The following AQP1 variants were observed in gnomAD, a reference collection of about 807,000 sequenced individuals.
The protein encoded by AQP1 is aquaporin-1.
AQP1 carries 11 observed loss-of-function variants against 19.7 expected under a neutral mutation model. The observed-to-expected ratio is 0.56, with a 90% confidence interval of 0.35 to 0.92. The LOEUF (loss-of-function observed/expected upper bound fraction) is 0.92, where lower values mean the gene tolerates loss of function less well. Among genes scored for constraint, AQP1 ranks in the 40% least tolerant of loss-of-function variants. The pLI is 0.01. For synonymous variants in AQP1, 159 were observed against 166.7 expected (o/e 0.95, Z 0.36); for missense variants, 320 against 369.7 (o/e 0.87, Z 1.10).
rs1049848415 is a variant in AQP1 at position 30,923,329 on chromosome 7, C to T, written c.631-121C>T. 3.2e-6 allele frequency: 5 copies of T among 1,548,478 alleles called. No homozygotes were observed. The highest frequency in any genetic ancestry group is 3.8e-5 in the Admixed American group (2 of 52,924). On this transcript the variant is annotated intron_variant, in intron 3 of 3. Coordinates refer to ENST00000311813, the MANE Select transcript of AQP1 (RefSeq NM_198098.4). This position sits in a 1 kb window ranked among gnomAD's most constrained non-coding sequence, Gnocchi z 4.8. ...TGATGTTAGGATTTGGCTCTCCTAC[C>T]TGCCTCCATCCCAGGTGGGAAAAAC...
Position 30,923,816 on chromosome 7 carries a change from C to A in AQP1, c.*187C>A. ...TATCTCTTTCTTTCTCTTTCTGTTTCCTGGCCTCAGAGCTTCCTGGGGACC... is the reference window on the plus strand; with the variant it reads ...TATCTCTTTCTTTCTCTTTCTGTTTACTGGCCTCAGAGCTTCCTGGGGACC... On this transcript the variant is annotated 3_prime_UTR_variant, in exon 4 of 4. Transcript: ENST00000311813. This position sits in a 1 kb window ranked among gnomAD's most constrained non-coding sequence, Gnocchi z 4.8. 1 of 1,523,050 alleles carries A rather than the reference C, an allele frequency of 6.6e-7. No homozygotes were observed. Among genetic ancestry groups the A allele is most frequent in the Admixed American group, 1.9e-5 (1 of 51,832 alleles). The allele number at this position is 1,523,050 out of a possible 1,614,324, so 94.3% of individuals were successfully genotyped here.
In AQP1 at chr7:30,925,395, C is replaced by T. The variant is rs1046175878; in HGVS notation, c.*1766C>T. 3.3e-5 allele frequency: 5 copies of T among 152,286 alleles called. No homozygotes were observed. The highest frequency in any genetic ancestry group is 1.2e-4 in the African/African-American group (5 of 41,456). The allele number at this position is 152,286 out of a possible 1,614,324, so 9.4% of individuals were successfully genotyped here. On this transcript the variant is annotated 3_prime_UTR_variant, in exon 4 of 4. Transcript: ENST00000311813. ...GAGGGGAGAGGGGTCACACCCACCCCCTGCCTGGTTCTAGGCTGCTGCACA... is the reference window on the plus strand; with the variant it reads ...GAGGGGAGAGGGGTCACACCCACCCTCTGCCTGGTTCTAGGCTGCTGCACA...
intron 1 of AQP1, among the ~76,000 whole-genome samples, chr7:30,917,151 C>T (rs1013327570): frequency 6.6e-6 from 1 of 152,222 alleles, no homozygotes; most frequent in Non-Finnish European, 1.5e-5. Context: ...GTCAAGGTGG[C>T]ACTGCCTCCT....
In AQP1 at chr7:30,922,649, G is replaced by T; in HGVS notation, c.630+5G>T. The T allele has an allele frequency of 1.9e-6, 3 of 1,613,560 alleles. No individual in the cohort carries two copies. The highest frequency in any genetic ancestry group is 2.5e-6 in the Non-Finnish European group (3 of 1,179,488). ...CACAACTTCAGCAACCACTGGGTAG[G>T]AGACCCACGGGGGGTGGGGTGGGAA... is the stretch of plus-strand genomic sequence containing the variant. On this transcript the variant is annotated splice_donor_5th_base_variant and intron_variant, in intron 3 of 3. Coordinates refer to ENST00000311813, the MANE Select transcript of AQP1 (RefSeq NM_198098.4).
At position 30,912,294 on chromosome 7, in the gene AQP1, G is replaced by A. The variant is rs1425443344; in HGVS notation, c.384+1G>A. ...TGGGAACTCGCTTGGCCGCAATGAC[G>A]TGAGTGGGGTGTCCCTGGGCTTGGG... On this transcript the variant is annotated splice_donor_variant, in intron 1 of 3. Coordinates refer to ENST00000311813, the MANE Select transcript of AQP1 (RefSeq NM_198098.4). LOFTEE classifies it high-confidence loss of function. The surrounding 1 kb of genome is among the most constrained non-coding windows in gnomAD (Gnocchi z 4.3). The A allele has an allele frequency of 5.6e-6, 9 of 1,599,298 alleles. No homozygotes were observed. The highest frequency in any genetic ancestry group is 3.3e-4 in the Middle Eastern group (2 of 6,056).
chr7:30,922,006 C>T (rs1791516288), intron 1 of AQP1, 60 bp from the exon 2 acceptor site: 1 of 1,607,524 alleles, frequency 6.2e-7, no homozygotes, highest in African/African-American at 1.3e-5. Flanking sequence ...TCCTTGGGGT[C>T]CTGGGACACA....
At chr7:30,920,788 T>C (rs1186000896) in intron 1 of AQP1, among the ~76,000 whole-genome samples, 1 of 152,158 alleles carries the variant, frequency 6.6e-6, no homozygotes, top group African/African-American at 2.4e-5. Flanking sequence ...ACCTAAGGGA[T>C]GTAGCCCTGG....
chr7:30,921,079 G>A (rs1791485674), intron 1 of AQP1, among the ~76,000 whole-genome samples: 1 of 152,212 alleles, frequency 6.6e-6, no homozygotes, highest in Non-Finnish European at 1.5e-5. Flanking sequence ...CTGGGAGAAG[G>A]CAGCCTAAGT....
In AQP1 at chr7:30,911,886, T is replaced by C. The variant is rs1200049242; in HGVS notation, c.-24T>C. 3 of 1,611,016 alleles carry C rather than the reference T, an allele frequency of 1.9e-6. No individual in the cohort carries two copies. The South Asian group carries it at 3.3e-5, about 18-fold the overall frequency. ...GAGGGAATTGAGCACCCGGCAGCGG[T>C]CTCAGGCCAAGCCCCCTGCCAGCAT... On this transcript the variant is annotated 5_prime_UTR_variant, in exon 1 of 4. Coordinates refer to ENST00000311813, the MANE Select transcript of AQP1 (RefSeq NM_198098.4).
intron 1 of AQP1, among the ~76,000 whole-genome samples, chr7:30,920,876 G>A (rs1180073249): frequency 6.6e-6 from 1 of 152,236 alleles, no homozygotes; most frequent in Admixed American, 6.5e-5. Flanking sequence ...ACCCAGGGCT[G>A]CAGACAAAGG....
chr7:30,917,718 G>C (rs2128589498), intron 1 of AQP1, among the ~76,000 whole-genome samples: 1 of 152,322 alleles, frequency 6.6e-6, no homozygotes, highest in South Asian at 2.1e-4. Context: ...TGATGAAAAA[G>C]AGTGTGCATT....
chr7:30,913,565 T>C (rs1290750600), intron 1 of AQP1, among the ~76,000 whole-genome samples: 1 of 152,082 alleles, frequency 6.6e-6, no homozygotes, highest in African/African-American at 2.4e-5. Flanking sequence ...TTACAGCAGC[T>C]GTCCTCTCGC....
At chr7:30,917,921 A>G (rs777854960) in intron 1 of AQP1, among the ~76,000 whole-genome samples, 3 of 151,524 alleles carry the variant, frequency 2.0e-5, no homozygotes, top group African/African-American at 7.3e-5. Context: ...AATTTTGTCA[A>G]TTTTCCCCTC....
Position 30,924,979 on chromosome 7 carries a change from G to A in AQP1, c.*1350G>A, listed in dbSNP as rs1562581891. ...TTCAGAGATCAGGATCAGCTTTGAA[G>A]GCTGGATTCTATCTACATAAGTCCT... is the stretch of plus-strand genomic sequence containing the variant. On this transcript the variant is annotated 3_prime_UTR_variant, in exon 4 of 4. Coordinates refer to ENST00000311813, the MANE Select transcript of AQP1 (RefSeq NM_198098.4). The A allele has an allele frequency of 6.6e-6, 1 of 152,258 alleles. No individual in the cohort carries two copies. The highest frequency in any genetic ancestry group is 2.4e-5 in the African/African-American group (1 of 41,442). The allele number at this position is 152,258 out of a possible 1,614,324, so 9.4% of individuals were successfully genotyped here. A position where few individuals can be genotyped will look rare whatever the true frequency, so the allele number is the denominator to read the frequency against.
chr7:30,914,845 G>A (rs1791271250), intron 1 of AQP1, among the ~76,000 whole-genome samples: 1 of 152,250 alleles, frequency 6.6e-6, no homozygotes, highest in South Asian at 2.1e-4. Flanking sequence ...GGACATGCTG[G>A]GGACAACTTT....
chr7:30,913,443 G>C (rs560537606), intron 1 of AQP1: 1 of 153,100 alleles, frequency 6.5e-6, no homozygotes, highest in African/African-American at 2.4e-5. Context: ...CCAAGGAGCA[G>C]AGAGGAGGAC....
Position 30,922,360 on chromosome 7 carries a change from G to A in AQP1, c.549+130G>A, listed in dbSNP as rs1584389919. 1.1e-5 allele frequency: 15 copies of A among 1,394,092 alleles called. No individual in the cohort carries two copies. In the South Asian group the frequency reaches 1.2e-4, roughly 11 times the overall value. The allele number at this position is 1,394,092 out of a possible 1,614,324, so 86.4% of individuals were successfully genotyped here. On this transcript the variant is annotated intron_variant, in intron 2 of 3. Coordinates refer to ENST00000311813, the MANE Select transcript of AQP1 (RefSeq NM_198098.4). ...ATTGGGTGGAGGATGGCGGGTCAGC[G>A]CTGGGGGCTGGGGGCAGGGTCCTGC...
At position 30,923,424 on chromosome 7, in the gene AQP1, T is replaced by A. The variant is rs376146000; in HGVS notation, c.631-26T>A. On this transcript the variant is annotated intron_variant, in intron 3 of 3. Transcript: ENST00000311813. This position sits in a 1 kb window ranked among gnomAD's most constrained non-coding sequence, Gnocchi z 4.8. ...TCCCAGGGGCTTTTGAGTGGAGCCC[T>A]CTGAACACACCTGCTCTGTTCCTAG... 8 of 1,613,496 alleles carry A rather than the reference T, an allele frequency of 5.0e-6. No individual in the cohort carries two copies. Among genetic ancestry groups the A allele is most frequent in the Non-Finnish European group, 6.8e-6 (8 of 1,179,886 alleles).
intron 1 of AQP1, among the ~76,000 whole-genome samples, chr7:30,920,191 G>A (rs1302948366): frequency 6.6e-6 from 1 of 152,158 alleles, no homozygotes; most frequent in African/African-American, 2.4e-5. Context: ...CACTTACAGC[G>A]ATGACTCCAT....
Sources: allele counts gnomAD v4.1 joint callset (sites outside exome capture counted in the v4.1 genomes callset), GRCh38; gene constraint gnomAD v4.1.1; non-coding constraint Gnocchi (gnomAD v3.1); transcripts MANE v1.5; gene names NCBI Gene and HGNC (gene_info 2026-07-23, HGNC 2026-07-21).